The following DPP6 variants were observed in gnomAD, a reference collection of about 807,000 sequenced individuals.
DPP6 encodes the protein A-type potassium channel modulatory protein DPP6.
DPP6 carries 69 observed loss-of-function variants against 122.6 expected under a neutral mutation model. That is an observed-to-expected ratio of 0.56 (90% confidence interval 0.46 to 0.69). The LOEUF (loss-of-function observed/expected upper bound fraction) is 0.69, where lower values mean the gene tolerates loss of function less well. Among genes scored for constraint, DPP6 ranks in the 30% least tolerant of loss-of-function variants. The pLI, the probability that DPP6 is intolerant of heterozygous loss-of-function variation, is 0.00. For synonymous variants in DPP6, 418 were observed against 433.1 expected, an observed-to-expected ratio of 0.97 and a Z score of 0.43; for missense variants, 928 against 1,116.9, an observed-to-expected ratio of 0.83 and a Z score of 2.41.
At chr7:154,058,468 C>T (rs1305947933) in intron 1 of DPP6, 2 of 140,004 alleles carry the variant, frequency 1.4e-5, no homozygotes, top group Non-Finnish European at 3.1e-5. Context: ...TGTTGGTACC[C>T]CCATCGTAGG....
intron 5 of DPP6, among the ~76,000 whole-genome samples, chr7:154,634,915 T>C (rs1835646593): frequency 6.6e-6 from 1 of 152,182 alleles, no homozygotes; most frequent in African/African-American, 2.4e-5. Flanking sequence ...AAATCACTGT[T>C]TCTAGATGGA....
intron 8 of DPP6, among the ~76,000 whole-genome samples, chr7:154,732,942 A>G (rs940392962): frequency 6.6e-6 from 1 of 152,046 alleles, no homozygotes; most frequent in Non-Finnish European, 1.5e-5. Context: ...CCTGCCAACA[A>G]TACTCACTTC....
intron 3 of DPP6, among the ~76,000 whole-genome samples, chr7:154,498,112 T>G (rs1824911440): frequency 6.6e-6 from 1 of 152,196 alleles, no homozygotes; most frequent in Non-Finnish European, 1.5e-5. Flanking sequence ...ACATCTGAAC[T>G]GACATGGTGC....
rs1554545562 is a variant in DPP6 at position 154,425,613 on chromosome 7, T to TGTGG, written c.244-20598_244-20597insGGTG. 1.6e-3 allele frequency among the ~76,000 whole-genome samples: 208 copies of TGTGG among 130,366 alleles called. 3 individuals are homozygous for TGTGG. The highest frequency in any genetic ancestry group is 7.3e-3 in the Middle Eastern group (2 of 274). The allele number at this position is 130,366 out of a possible 152,430, so 85.5% of individuals were successfully genotyped here. A position where few individuals can be genotyped will look rare whatever the true frequency, so the allele number is the denominator to read the frequency against. On this transcript the variant is annotated intron_variant, in intron 1 of 25. Transcript: ENST00000377770. Reference sequence around the variant, plus strand: ...TAGTTTGGGGAAAAAAATGTGTGTGTGTGTGTGGGTGTGTGTGTGTGTGTG... The same window carrying TGTGG: ...TAGTTTGGGGAAAAAAATGTGTGTGTGTGGGTGTGTGGGTGTGTGTGTGTGTGTG...
intron 12 of DPP6, among the ~76,000 whole-genome samples, chr7:154,798,793 C>T (rs1361428303): frequency 6.6e-6 from 1 of 152,164 alleles, no homozygotes. Flanking sequence ...TTGTTTTTTT[C>T]GTAAAGGAAT....
the DPP6 span, among the ~76,000 whole-genome samples, chr7:153,774,264 G>C: frequency 3.1e-4 from 47 of 152,286 alleles, no homozygotes; most frequent in African/African-American, 1.1e-3. Context: ...TTGGGAGAAG[G>C]AAAGGTGACT....
chr7:154,552,698 G>T (rs966959362), intron 4 of DPP6, among the ~76,000 whole-genome samples: 1 of 152,206 alleles, frequency 6.6e-6, no homozygotes, highest in Non-Finnish European at 1.5e-5. Context: ...CATCAACAAA[G>T]TCAGGAGTGT....
chr7:154,765,612 A>G (rs1795844620), intron 8 of DPP6, among the ~76,000 whole-genome samples: 4 of 152,174 alleles, frequency 2.6e-5, no homozygotes, highest in Non-Finnish European at 5.9e-5. Context: ...CAAAAAATGA[A>G]AAATACCCAG....
chr7:153,803,865 A>T, the DPP6 span, among the ~76,000 whole-genome samples: 2 of 151,822 alleles, frequency 1.3e-5, no homozygotes, highest in Non-Finnish European at 2.9e-5. Flanking sequence ...ATATATATAT[A>T]CACACAAGGA....
chr7:154,704,449 A>T (rs568895418), intron 7 of DPP6, among the ~76,000 whole-genome samples: 4 of 152,260 alleles, frequency 2.6e-5, no homozygotes, highest in Non-Finnish European at 4.4e-5. Context: ...ATTTTGAAGG[A>T]AATTCTGATG....
At chr7:154,288,635 A>G (rs1805006708) in intron 1 of DPP6, among the ~76,000 whole-genome samples, 1 of 152,234 alleles carries the variant, frequency 6.6e-6, no homozygotes, top group African/African-American at 2.4e-5. Flanking sequence ...GCCATGATTC[A>G]TATAAAGCAA....
intron 2 of DPP6, among the ~76,000 whole-genome samples, chr7:154,454,828 C>T (rs894344139): frequency 2.0e-5 from 3 of 152,168 alleles, no homozygotes; most frequent in South Asian, 2.1e-4. Context: ...ATTAATATAA[C>T]GTTTGCAAAC....
chr7:154,232,463 A>G (rs1164319828), intron 1 of DPP6, among the ~76,000 whole-genome samples: 1 of 152,210 alleles, frequency 6.6e-6, no homozygotes, highest in Non-Finnish European at 1.5e-5. Context: ...TACCATCAGA[A>G]CAAGAAACTC....
intron 1 of DPP6, among the ~76,000 whole-genome samples, chr7:154,320,721 G>A (rs1807878281): frequency 6.6e-6 from 1 of 152,210 alleles, no homozygotes; most frequent in South Asian, 2.1e-4. Flanking sequence ...CCTGGCCTCA[G>A]GTGATCCGCC....
At chr7:154,699,623 C>T (rs73730240) in intron 7 of DPP6, among the ~76,000 whole-genome samples, 1,531 of 152,310 alleles carry the variant, frequency 0.01, 35 homozygotes, top group African/African-American at 0.035. Flanking sequence ...CCCAGACAGC[C>T]GGGCCCCTGT....
At chr7:154,586,169 G>A (rs2130701110) in intron 5 of DPP6, among the ~76,000 whole-genome samples, 1 of 152,240 alleles carries the variant, frequency 6.6e-6, no homozygotes, top group African/African-American at 2.4e-5. Context: ...CCAGAGTAGA[G>A]GCTGATGCCA....
chr7:154,504,858 G>T (rs1825551905), intron 3 of DPP6, among the ~76,000 whole-genome samples: 1 of 150,962 alleles, frequency 6.6e-6, no homozygotes, highest in Non-Finnish European at 1.5e-5. Flanking sequence ...TGTCGTTTGT[G>T]GTTTTAAATC....
intron 5 of DPP6, among the ~76,000 whole-genome samples, chr7:154,575,041 GGTGTGGTGT>G (rs1489249352): frequency 8.9e-4 from 119 of 133,594 alleles, no homozygotes; most frequent in African/African-American, 3.1e-3. Flanking sequence ...TGGTGTGTGT[GGTGTGGTGT>G]GTGTGGTGTG....
chr7:154,716,742 C>T (rs1434789292), intron 7 of DPP6, among the ~76,000 whole-genome samples: 1 of 145,772 alleles, frequency 6.9e-6, no homozygotes. Context: ...TATATTATGC[C>T]ATTTTTAAAA....
Sources: allele counts gnomAD v4.1 joint callset (sites outside exome capture counted in the v4.1 genomes callset), GRCh38; gene constraint gnomAD v4.1.1; transcripts MANE v1.5; gene names NCBI Gene and HGNC (gene_info 2026-07-23, HGNC 2026-07-21).